Variants in USP18 observed in about 807,000 individuals in gnomAD.
USP18 encodes the protein ubl carboxyl-terminal hydrolase 18.
Under a neutral mutation model 48.7 loss-of-function variants are expected in USP18, and 11 were observed. The ratio of observed to expected loss-of-function variants is 0.23; its 90% CI spans 0.14 to 0.37. USP18 has a LOEUF of 0.37. USP18 is among the 10% of genes least tolerant of loss of function. USP18 has a pLI of 1.00. For missense variants in USP18, 285 were observed against 436.4 expected, an observed-to-expected ratio of 0.65 and a Z score of 3.09; for synonymous variants, 114 against 163.2, an observed-to-expected ratio of 0.70 and a Z score of 2.30.
At chr22:18,153,753 T>G (rs1202566905) in intron 1 of USP18, among the ~76,000 whole-genome samples, 1 of 152,194 alleles carries the variant, frequency 6.6e-6, no homozygotes, top group Non-Finnish European at 1.5e-5. Context: ...TGGCTTTCTA[T>G]TCTCTATTTC....
At chr22:18,171,275 A>T (rs1929618541) in intron 8 of USP18, among the ~76,000 whole-genome samples, 1 of 101,332 alleles carries the variant, frequency 9.9e-6, no homozygotes, top group African/African-American at 4.7e-5. Context: ...ACCACATTTA[A>T]TCAGAGTAAA....
Position 18,158,286 on chromosome 22 carries a change from T to TCAAA in USP18, c.157+483_157+486dup, listed in dbSNP as rs534112353. ...CTGGGTGACAGAGTGAGACTCTGTC[T>TCAAA]CAAACAAACAAACAAACAAATGGGG... is the stretch of plus-strand genomic sequence containing the variant. On this transcript the variant is annotated intron_variant, in intron 2 of 10. Coordinates refer to ENST00000215794, the MANE Select transcript of USP18 (RefSeq NM_017414.4). Among the ~76,000 whole-genome samples, 15 of 152,258 alleles carry TCAAA rather than the reference T, an allele frequency of 9.9e-5. No homozygotes were observed. In the South Asian group the frequency reaches 1.7e-3, roughly 17 times the overall value.
intron 1 of USP18, among the ~76,000 whole-genome samples, chr22:18,153,618 A>C (rs62229507): frequency 6.6e-6 from 1 of 152,064 alleles, no homozygotes; most frequent in Non-Finnish European, 1.5e-5. Context: ...AGAAAATAAA[A>C]TATTTTTTAT....
At chr22:18,165,902 A>G (rs1166501190) in intron 4 of USP18, among the ~76,000 whole-genome samples, 1 of 149,934 alleles carries the variant, frequency 6.7e-6, no homozygotes, top group East Asian at 2.0e-4. Context: ...CACTCCCCCC[A>G]CCCCCACAAC....
chr22:18,160,142 C>A (rs199562913), intron 2 of USP18, 30 bp from the exon 3 acceptor site: 4 of 1,606,728 alleles, frequency 2.5e-6, no homozygotes, highest in African/African-American at 2.7e-5. Flanking sequence ...TAGGCCTTGC[C>A]CTCAGCATTT....
intron 7 of USP18, among the ~76,000 whole-genome samples, chr22:18,170,452 C>T (rs954754701): frequency 6.6e-6 from 1 of 152,248 alleles, no homozygotes; most frequent in Non-Finnish European, 1.5e-5. Context: ...GAGCAGCCGG[C>T]AGGGCGTTTC....
intron 6 of USP18, among the ~76,000 whole-genome samples, chr22:18,169,510 A>C (rs1929568832): frequency 6.6e-6 from 1 of 152,208 alleles, no homozygotes. Flanking sequence ...CGGGAGGCGG[A>C]GATTGCGGTG....
At chr22:18,175,967 G>C (rs1302182570) in intron 10 of USP18, among the ~76,000 whole-genome samples, 1 of 143,292 alleles carries the variant, frequency 7.0e-6, no homozygotes, top group Non-Finnish European at 1.5e-5. Flanking sequence ...CCTGGTGACA[G>C]AGCAAGAACG....
intron 4 of USP18, among the ~76,000 whole-genome samples, chr22:18,163,676 AAAG>A (rs1335324781): frequency 6.6e-6 from 1 of 151,832 alleles, no homozygotes; most frequent in Non-Finnish European, 1.5e-5. Context: ...AAAAAGAAAA[AAAG>A]AAAAATACCT....
At chr22:18,173,560 T>C (rs5993038) in intron 9 of USP18, among the ~76,000 whole-genome samples, 1 of 151,948 alleles carries the variant, frequency 6.6e-6, no homozygotes, top group South Asian at 2.1e-4. Context: ...GAGCAACGAG[T>C]GTTAGAAATA....
chr22:18,173,889 G>A (rs1929708384), intron 10 of USP18, 47 bp downstream of exon 10: 3 of 1,512,524 alleles, frequency 2.0e-6, no homozygotes, highest in Non-Finnish European at 2.7e-6. Context: ...CTCACATAGG[G>A]TCCTTGGAGC....
intron 4 of USP18, among the ~76,000 whole-genome samples, chr22:18,164,321 CGCT>C (rs1480329402): frequency 6.6e-6 from 1 of 151,836 alleles, no homozygotes; most frequent in Non-Finnish European, 1.5e-5. Flanking sequence ...TGCCTGTTCA[CGCT>C]GCACTGGGCC....
At chr22:18,172,117 A>C (rs895307909) in intron 8 of USP18, among the ~76,000 whole-genome samples, 1 of 152,186 alleles carries the variant, frequency 6.6e-6, no homozygotes, top group Non-Finnish European at 1.5e-5. Context: ...AACAAAAAAG[A>C]CTTTGTTATG....
chr22:18,160,408 C>T (rs1486210265), intron 3 of USP18, 140 bp downstream of exon 3: 29 of 941,484 alleles, frequency 3.1e-5, no homozygotes, highest in Non-Finnish European at 4.2e-5. Context: ...CGGGTTCAAG[C>T]GATTCTCCTG....
chr22:18,177,011 A>AT lies in USP18; in HGVS notation c.*194_*195insT, dbSNP rs1165044738. 2.0e-5 allele frequency: 2 copies of AT among 100,404 alleles called. No individual in the cohort carries two copies. The highest frequency in any genetic ancestry group is 3.4e-5 in the Non-Finnish European group (2 of 59,360). The allele number at this position is 100,404 out of a possible 1,614,324, so 6.2% of individuals were successfully genotyped here. A position where few individuals can be genotyped will look rare whatever the true frequency, so the allele number is the denominator to read the frequency against. Reference sequence around the variant, plus strand: ...GGCCCCTCAGGTCCTGATCAGTCAGAATGGATGCTTTCACCAGCAGACCCG... The same window carrying AT: ...GGCCCCTCAGGTCCTGATCAGTCAGATATGGATGCTTTCACCAGCAGACCCG... On this transcript the variant is annotated 3_prime_UTR_variant, in exon 11 of 11. Transcript: ENST00000215794.
Position 18,158,539 on chromosome 22 carries a change from T to C in USP18, c.157+719T>C, listed in dbSNP as rs998789977. Among the ~76,000 whole-genome samples the C allele has an allele frequency of 3.3e-5, 5 of 152,310 alleles. No homozygotes were observed. In the East Asian group the frequency reaches 7.7e-4, roughly 24 times the overall value. Reference sequence around the variant, plus strand: ...TTGTTACTTTCTTACTGTCCTATCTTGTAAGCCAAAGCCCTTTCCCCAAGA... The same window carrying C: ...TTGTTACTTTCTTACTGTCCTATCTCGTAAGCCAAAGCCCTTTCCCCAAGA... On this transcript the variant is annotated intron_variant, in intron 2 of 10. Coordinates refer to ENST00000215794, the MANE Select transcript of USP18 (RefSeq NM_017414.4).
At chr22:18,155,812 GCGCCGCTCCCGGCTCCA>G (rs1929116986) in intron 1 of USP18, among the ~76,000 whole-genome samples, 1 of 152,210 alleles carries the variant, frequency 6.6e-6, no homozygotes, top group South Asian at 2.1e-4. Context: ...TCCCCGACCA[GCGCCGCTCCCGGCTCCA>G]CGCCGCCGAG....
At chr22:18,170,531 C>T (rs928284235) in intron 7 of USP18, among the ~76,000 whole-genome samples, 1 of 151,862 alleles carries the variant, frequency 6.6e-6, no homozygotes, top group Non-Finnish European at 1.5e-5. Flanking sequence ...TGTGCAGAGC[C>T]CTGTGCCCTT....
Position 18,154,953 on chromosome 22 carries a change from A to T in USP18, c.-106-2605A>T, listed in dbSNP as rs551886477. 2.0e-5 allele frequency among the ~76,000 whole-genome samples: 3 copies of T among 152,248 alleles called. No individual in the cohort carries two copies. The East Asian group carries it at 5.8e-4, about 29-fold the overall frequency. Reference sequence around the variant, plus strand: ...ATTAGGGAGAGGCTGATTGGTCAGGACCCTAAGCCCATGACTGCTTCAGCT... The same window carrying T: ...ATTAGGGAGAGGCTGATTGGTCAGGTCCCTAAGCCCATGACTGCTTCAGCT... On this transcript the variant is annotated intron_variant, in intron 1 of 10. Transcript: ENST00000215794.
Sources: allele counts gnomAD v4.1 joint callset (sites outside exome capture counted in the v4.1 genomes callset), GRCh38; gene constraint gnomAD v4.1.1; transcripts MANE v1.5; gene names NCBI Gene and HGNC (gene_info 2026-07-23, HGNC 2026-07-21).